Variants in ATP11A observed in about 807,000 individuals in gnomAD.
ATP11A encodes the protein phospholipid-transporting ATPase IH.
Under a neutral mutation model 154.4 loss-of-function variants are expected in ATP11A, and 81 were observed. The observed-to-expected ratio is 0.52, with a 90% CI of 0.44 to 0.63. ATP11A has a LOEUF of 0.63. ATP11A is among the 30% of genes least tolerant of loss of function. ATP11A has a pLI of 0.00. For missense variants in ATP11A, 1,316 were observed against 1,474.3 expected (o/e 0.89, Z 1.76); for synonymous variants, 623 against 585.9 (o/e 1.06, Z -0.91).
At chr13:112,716,936 G>GTGCTCC (rs112394471) in intron 1 of ATP11A, among the ~76,000 whole-genome samples, 4 of 152,168 alleles carry the variant, frequency 2.6e-5, no homozygotes, top group Admixed American at 2.6e-4. Flanking sequence ...CTGGAGGCCC[G>GTGCTCC]TGCACTTTCC....
At chr13:112,773,424 C>T (rs1203378155) in intron 1 of ATP11A, among the ~76,000 whole-genome samples, 2 of 152,230 alleles carry the variant, frequency 1.3e-5, no homozygotes, top group African/African-American at 4.8e-5. Flanking sequence ...TCTCTTCCCA[C>T]GGGTGAGTCT....
In ATP11A at chr13:112,882,047, G is replaced by T; in HGVS notation, c.*181G>T. ...AAGTCACAGCTGCCCTAGGTCCCGT[G>T]TGGGAATGCTCGTGTGATGGATGGT... On this transcript the variant is annotated 3_prime_UTR_variant, in exon 30 of 30. Coordinates refer to ENST00000375645, the MANE Select transcript of ATP11A (RefSeq NM_015205.3). This position sits in a 1 kb window ranked among gnomAD's most constrained non-coding sequence, Gnocchi z 5.1. The T allele has an allele frequency of 7.3e-7, 1 of 1,367,776 alleles. No individual in the cohort carries two copies. The highest frequency in any genetic ancestry group is 9.8e-7 in the Non-Finnish European group (1 of 1,021,980). The allele number at this position is 1,367,776 out of a possible 1,614,324, so 84.7% of individuals were successfully genotyped here. A position where few individuals can be genotyped will look rare whatever the true frequency, so the allele number is the denominator to read the frequency against.
At chr13:112,747,629 A>G (rs192936835) in intron 1 of ATP11A, among the ~76,000 whole-genome samples, 1 of 152,202 alleles carries the variant, frequency 6.6e-6, no homozygotes, top group South Asian at 2.1e-4. Flanking sequence ...TGAGGTCAGG[A>G]GTTCGAGACC....
At chr13:112,763,580 G>T (rs7982129) in intron 1 of ATP11A, among the ~76,000 whole-genome samples, 1 of 152,074 alleles carries the variant, frequency 6.6e-6, no homozygotes, top group African/African-American at 2.4e-5. Context: ...TTTTCTGGAG[G>T]GTCTGAACCC....
At chr13:112,735,775 A>T (rs983722264) in intron 1 of ATP11A, among the ~76,000 whole-genome samples, 1 of 152,226 alleles carries the variant, frequency 6.6e-6, no homozygotes, top group Non-Finnish European at 1.5e-5. Flanking sequence ...TGATTCACCT[A>T]ACATCGCTTA....
At chr13:112,730,263 G>A (rs1014710598) in intron 1 of ATP11A, among the ~76,000 whole-genome samples, 13 of 152,208 alleles carry the variant, frequency 8.5e-5, no homozygotes, top group Admixed American at 5.9e-4. Context: ...CTTCTGTACC[G>A]GAGGCGATGC....
chr13:112,836,475 C>G (rs542103914), intron 16 of ATP11A, among the ~76,000 whole-genome samples: 2 of 152,200 alleles, frequency 1.3e-5, no homozygotes, highest in East Asian at 3.9e-4. Flanking sequence ...CATCCGGCAC[C>G]CTTGCTCTGT....
In ATP11A at chr13:112,851,157, G is replaced by A. The variant is rs778693072; in HGVS notation, c.1930G>A (p.Glu644Lys). 2 of 1,614,248 alleles carry A rather than the reference G, an allele frequency of 1.2e-6. No individual in the cohort carries two copies. Among genetic ancestry groups the A allele is most frequent in the Admixed American group, 3.3e-5 (2 of 60,028 alleles). Residue 644 changes from glutamate to lysine, a missense_variant, in exon 18 of 30, where the codon GAA (glutamate) becomes AAA (lysine). Physicochemically the swap from Glu to Lys is moderately conservative, Grantham distance 56. Transcript: ENST00000375645. ...ALQDREKKLA[E>K]AYEQIEKDLT... is the part of the protein sequence containing the mutation. ...TCAAGATCGAGAGAAAAAGTTAGCA[G>A]AAGCCTATGAGCAAATAGAGAAAGA...
At chr13:112,784,638 T>G (rs2077577827) in intron 1 of ATP11A, among the ~76,000 whole-genome samples, 1 of 151,794 alleles carries the variant, frequency 6.6e-6, no homozygotes, top group Non-Finnish European at 1.5e-5. Flanking sequence ...TTCTCCTGCC[T>G]CAGCCTCCTG....
At chr13:112,844,779 C>T (rs577385062) in intron 17 of ATP11A, among the ~76,000 whole-genome samples, 1 of 150,738 alleles carries the variant, frequency 6.6e-6, no homozygotes, top group Non-Finnish European at 1.5e-5. Context: ...CAGTACTAAC[C>T]AGTCCAGTTG....
chr13:112,749,862 T>A lies in ATP11A; in HGVS notation c.40-35273T>A, dbSNP rs372311. ...GGGAAGGAGAGTCTCCATCCTCCCA[T>A]GTGGGGACACGCCTGCTGAAGGACG... On this transcript the variant is annotated intron_variant, in intron 1 of 29. Coordinates refer to ENST00000375645, the MANE Select transcript of ATP11A (RefSeq NM_015205.3). 9.1e-5 allele frequency among the ~76,000 whole-genome samples: 9 copies of A among 98,514 alleles called. 1 individual carries two copies. The South Asian group carries it at 3.5e-3, about 38-fold the overall frequency. The allele number at this position is 98,514 out of a possible 152,430, so 64.6% of individuals were successfully genotyped here.
At chr13:112,818,908 AGAAGTGAAAAT>A (rs2078720081) in intron 6 of ATP11A, among the ~76,000 whole-genome samples, 1 of 152,240 alleles carries the variant, frequency 6.6e-6, no homozygotes, top group Non-Finnish European at 1.5e-5. Context: ...GTTGTTGCCG[AGAAGTGAAAAT>A]GAAGTGAAGT....
intron 17 of ATP11A, among the ~76,000 whole-genome samples, chr13:112,844,596 T>A (rs2140300372): frequency 6.6e-6 from 1 of 152,332 alleles, no homozygotes; most frequent in East Asian, 1.9e-4. Context: ...AAGGCGGCTG[T>A]TGTATCCGGC....
intron 29 of ATP11A, chr13:112,880,417 C>A: frequency 2.6e-6 from 2 of 760,450 alleles, no homozygotes; most frequent in Non-Finnish European, 3.5e-6. Flanking sequence ...CATGACACCC[C>A]ATGCAGACTC....
At chr13:112,792,612 G>T (rs2077889684) in intron 2 of ATP11A, among the ~76,000 whole-genome samples, 1 of 152,212 alleles carries the variant, frequency 6.6e-6, no homozygotes, top group Non-Finnish European at 1.5e-5. Context: ...TGACGGAAGT[G>T]CAGTTACTGG....
intron 25 of ATP11A, among the ~76,000 whole-genome samples, chr13:112,865,863 T>C (rs1594224401): frequency 6.6e-6 from 1 of 152,184 alleles, no homozygotes; most frequent in East Asian, 1.9e-4. Flanking sequence ...CCTGCTGAGG[T>C]TTTCAGACTT....
At chr13:112,844,891 T>C (rs1295442554) in intron 17 of ATP11A, among the ~76,000 whole-genome samples, 2 of 141,848 alleles carry the variant, frequency 1.4e-5, no homozygotes, top group Admixed American at 6.8e-5. Flanking sequence ...AGTTGCCGAC[T>C]GCTAGCGGTA....
Position 112,859,367 on chromosome 13 carries a change from A to G in ATP11A, c.2668-26A>G. On this transcript the variant is annotated intron_variant, in intron 22 of 29. Coordinates refer to ENST00000375645, the MANE Select transcript of ATP11A (RefSeq NM_015205.3). This position sits in a 1 kb window ranked among gnomAD's most constrained non-coding sequence, Gnocchi z 4.3. ...CTGCCTCCCTCTGTCCCGTCACCGAACTAACAGTTATGCCTTGCCTTTCAG... is the reference window on the plus strand; with the variant it reads ...CTGCCTCCCTCTGTCCCGTCACCGAGCTAACAGTTATGCCTTGCCTTTCAG... 1 of 1,609,900 alleles carries G rather than the reference A, an allele frequency of 6.2e-7. No homozygotes were observed. Among genetic ancestry groups the G allele is most frequent in the Non-Finnish European group, 8.5e-7 (1 of 1,176,180 alleles).
At chr13:112,794,927 A>G (rs1003414538) in intron 2 of ATP11A, among the ~76,000 whole-genome samples, 4 of 151,964 alleles carry the variant, frequency 2.6e-5, no homozygotes, top group Admixed American at 2.0e-4. Context: ...TCAAATTCCA[A>G]AGCTGTACAG....
Sources: allele counts gnomAD v4.1 joint callset (sites outside exome capture counted in the v4.1 genomes callset), GRCh38; gene constraint gnomAD v4.1.1; non-coding constraint Gnocchi (gnomAD v3.1); transcripts MANE v1.5; gene names NCBI Gene and HGNC (gene_info 2026-07-23, HGNC 2026-07-21).